GIN1: variants seen among roughly 807,000 people sequenced by gnomAD.
GIN1 encodes gypsy retrotransposon integrase-like protein 1.
A neutral mutation model predicts 51.4 loss-of-function variants in GIN1; 41 were observed. The observed-to-expected ratio is 0.80, with a 90% CI of 0.62 to 1.04. GIN1 has a LOEUF of 1.04. Ranked by LOEUF, GIN1 falls within the 50% of genes least tolerant of loss-of-function variation. The pLI is 0.00. For missense variants in GIN1, 610 were observed against 612.4 expected (o/e 1.00, Z 0.04); for synonymous variants, 222 against 206.5 (o/e 1.07, Z -0.64).
intron 7 of GIN1, among the ~76,000 whole-genome samples, chr5:103,092,163 C>T (rs1278069038): frequency 2.0e-5 from 3 of 151,976 alleles, no homozygotes; most frequent in African/African-American, 4.8e-5. Context: ...ACTAAAGGTG[C>T]GTATCACCAT....
chr5:103,094,316 T>G (rs1787333499), intron 7 of GIN1, among the ~76,000 whole-genome samples: 1 of 152,126 alleles, frequency 6.6e-6, no homozygotes, highest in African/African-American at 2.4e-5. Context: ...AGAACCAGAT[T>G]CTAGGATGGC....
Position 103,103,119 on chromosome 5 carries a change from G to A in GIN1, c.639+1422C>T, listed in dbSNP as rs573304601. Among the ~76,000 whole-genome samples, 5 of 152,230 alleles carry A rather than the reference G, an allele frequency of 3.3e-5. No homozygotes were observed. In the East Asian group the frequency reaches 7.7e-4, roughly 24 times the overall value. ...CTAATGTCTAGGAGCTTAGATTTTG[G>A]TTATAAGACCAAACACAATCTTTCC... On this transcript the variant is annotated intron_variant, in intron 4 of 7. Transcript: ENST00000399004.
intron 1 of GIN1, among the ~76,000 whole-genome samples, chr5:103,114,845 T>C (rs1270014459): frequency 2.6e-5 from 4 of 152,192 alleles, no homozygotes; most frequent in Non-Finnish European, 4.4e-5. Context: ...GAAGAGGTTC[T>C]GGTAATAGAA....
At chr5:103,105,914 A>G (rs1554196227) in intron 3 of GIN1, among the ~76,000 whole-genome samples, 1 of 152,224 alleles carries the variant, frequency 6.6e-6, no homozygotes, top group African/African-American at 2.4e-5. Flanking sequence ...AAAAATGCAC[A>G]GCAGGAAAAA....
intron 3 of GIN1, among the ~76,000 whole-genome samples, chr5:103,105,656 G>A (rs1229357802): frequency 6.6e-6 from 1 of 152,094 alleles, no homozygotes; most frequent in East Asian, 1.9e-4. Flanking sequence ...ATCAATTTAT[G>A]GATGGGTGCC....
intron 1 of GIN1, among the ~76,000 whole-genome samples, chr5:103,111,752 C>T (rs1204662117): frequency 3.9e-5 from 6 of 152,090 alleles, no homozygotes; most frequent in Admixed American, 2.6e-4. Context: ...CAGTAGCTTC[C>T]GTATTTTGCT....
intron 7 of GIN1, 61 bp from the exon 8 acceptor site, chr5:103,088,233 T>A: frequency 1.0e-6 from 1 of 998,200 alleles, no homozygotes; most frequent in Non-Finnish European, 1.4e-6. Flanking sequence ...ATTTTTTAAT[T>A]AAACAATTTT....
At chr5:103,112,698 A>G (rs1453797450) in intron 1 of GIN1, among the ~76,000 whole-genome samples, 1 of 152,162 alleles carries the variant, frequency 6.6e-6, no homozygotes, top group East Asian at 1.9e-4. Flanking sequence ...TGATCTCTGA[A>G]TCTAAAGTGA....
rs782364614 is a variant in GIN1 at position 103,097,753 on chromosome 5, C to T, written c.668G>A (p.Gly223Asp). ...QINIELYRLF[G>D]IKQIVISHTS... ...GTGAGAAATTACAATTTGCTTTATG[C>T]CAAACAATCTGTACAGTTCAATATT... Residue 223 changes from glycine to aspartate, a missense_variant, in exon 5 of 8, where the codon GGC becomes GAC. By Grantham distance (94) the Gly-to-Asp change is moderately conservative. Coordinates refer to ENST00000399004, the MANE Select transcript of GIN1 (RefSeq NM_017676.2). The T allele has an allele frequency of 3.2e-6, 5 of 1,563,460 alleles. No homozygotes were observed. The South Asian group carries it at 5.5e-5, about 17-fold the overall frequency.
At chr5:103,117,861 T>A (rs1047778555) in intron 1 of GIN1, among the ~76,000 whole-genome samples, 4 of 152,148 alleles carry the variant, frequency 2.6e-5, no homozygotes, top group Admixed American at 6.5e-5. Flanking sequence ...GCGCTGACAC[T>A]TTTAACTTGG....
intron 7 of GIN1, among the ~76,000 whole-genome samples, chr5:103,094,495 T>C (rs1787338496): frequency 6.6e-6 from 1 of 152,196 alleles, no homozygotes; most frequent in African/African-American, 2.4e-5. Flanking sequence ...TTATACTGCC[T>C]CTGTTTAGAG....
rs1787322791 is a variant in GIN1, at chr5:103,093,857, A to C, written c.1294+2684T>G. Among the ~76,000 whole-genome samples, 7 of 152,364 alleles carry C rather than the reference A, an allele frequency of 4.6e-5. No individual in the cohort carries two copies. The South Asian group carries it at 1.5e-3, about 32-fold the overall frequency. On this transcript the variant is annotated intron_variant, in intron 7 of 7. Coordinates refer to ENST00000399004, the MANE Select transcript of GIN1 (RefSeq NM_017676.2). ...GCTTGGCAATGAACTAGACAAAAAA[A>C]CAAACAGGCCTGCTTAAAATAGCAA...
At chr5:103,089,255 T>C (rs1554194255) in intron 7 of GIN1, among the ~76,000 whole-genome samples, 4 of 152,220 alleles carry the variant, frequency 2.6e-5, no homozygotes. Context: ...GCAAATCTTC[T>C]ATACACAGAC....
intron 7 of GIN1, among the ~76,000 whole-genome samples, chr5:103,089,427 T>C (rs1184058888): frequency 6.0e-5 from 9 of 151,088 alleles, no homozygotes; most frequent in African/African-American, 2.2e-4. Flanking sequence ...TTATCTTTAT[T>C]TACTTATTTT....
intron 7 of GIN1, among the ~76,000 whole-genome samples, chr5:103,089,711 T>C (rs1787183138): frequency 6.6e-6 from 1 of 152,194 alleles, no homozygotes; most frequent in South Asian, 2.1e-4. Context: ...GGAAGATTAA[T>C]TGCCTATTTA....
intron 7 of GIN1, among the ~76,000 whole-genome samples, chr5:103,090,690 T>C (rs1306666341): frequency 6.6e-6 from 1 of 152,174 alleles, no homozygotes; most frequent in Non-Finnish European, 1.5e-5. Context: ...AGGACTACTT[T>C]AGAAAAATAT....
intron 1 of GIN1, among the ~76,000 whole-genome samples, chr5:103,111,090 T>G (rs1787869009): frequency 6.6e-6 from 1 of 152,126 alleles, no homozygotes. Flanking sequence ...TGAAGCCTTG[T>G]GTCGTTTCAA....
intron 1 of GIN1, among the ~76,000 whole-genome samples, chr5:103,115,926 T>C (rs1788019146): frequency 6.6e-6 from 1 of 152,112 alleles, no homozygotes; most frequent in Non-Finnish European, 1.5e-5. Flanking sequence ...TTATAGTGAA[T>C]ATAACCATGG....
chr5:103,096,680 A>T lies in GIN1; in HGVS notation c.1155T>A (p.Ser385=). The T allele has an allele frequency of 6.2e-7, 1 of 1,614,146 alleles. No homozygotes were observed. Among genetic ancestry groups the T allele is most frequent in the Non-Finnish European group, 8.5e-7 (1 of 1,179,986 alleles). ...CTATGACACAAGGACCAACCCATTC[A>T]GACTGAAAACGACCATCCTTCCACC... is the stretch of plus-strand genomic sequence containing the variant. ...KNWWKDGRFQ[S]EWVGPCVIDY... is the part of the protein sequence containing the mutation. The change falls in exon 7 of 8, where the codon TCT becomes TCA. Residue 385 remains serine, a synonymous_variant. Coordinates refer to ENST00000399004, the MANE Select transcript of GIN1 (RefSeq NM_017676.2).
Sources: allele counts gnomAD v4.1 joint callset (sites outside exome capture counted in the v4.1 genomes callset), GRCh38; gene constraint gnomAD v4.1.1; transcripts MANE v1.5; gene names NCBI Gene and HGNC (gene_info 2026-07-23, HGNC 2026-07-21).